EDA: variants seen among roughly 807,000 people sequenced by gnomAD.
EDA encodes ectodysplasin A.
In EDA, 2 loss-of-function variants were observed where a neutral mutation model predicts 23.6. That is an observed-to-expected ratio of 0.08 (90% CI 0.03 to 0.27). The LOEUF is 0.27. EDA is among the 10% of genes least tolerant of loss of function. The pLI is 1.00. For synonymous variants in EDA, 131 were observed against 132.0 expected (o/e 0.99, Z 0.05); for missense variants, 229 against 324.2 (o/e 0.71, Z 2.26).
At chrX:69,868,161 C>A (rs1602496895) in intron 1 of EDA, among the ~76,000 whole-genome samples, 1 of 112,205 alleles carries the variant, frequency 8.9e-6, no homozygotes, top group Non-Finnish European at 1.9e-5. Flanking sequence ...GCCACTGACA[C>A]TTCAAGCACC....
Position 69,815,137 on chromosome X carries a change from TCTGA to T in EDA, c.397-141885_397-141882del, listed in dbSNP as rs750835279. ...GCTAGCCAATGGCAATGGGCTGGAG[TCTGA>T]CTGAGACAAGTCCAAGTTCCTGGGG... On this transcript the variant is annotated intron_variant, in intron 1 of 7. Coordinates refer to ENST00000374552, the MANE Select transcript of EDA (RefSeq NM_001399.5). Among the ~76,000 whole-genome samples the T allele has an allele frequency of 5.3e-3, 591 of 111,528 alleles. 7 individuals carry two copies. The highest frequency in any genetic ancestry group is 0.019 in the African/African-American group (570 of 30,746).
intron 2 of EDA, among the ~76,000 whole-genome samples, chrX:70,001,923 C>A (rs1192415561): frequency 9.0e-6 from 1 of 111,541 alleles, no homozygotes; most frequent in African/African-American, 3.3e-5. Context: ...ACACATTAGA[C>A]TCCCCTGGGA....
chrX:69,720,918 G>A (rs781411291), intron 1 of EDA, among the ~76,000 whole-genome samples: 1 of 111,694 alleles, frequency 9.0e-6, no homozygotes, highest in Admixed American at 9.5e-5. Context: ...GGTATGATGG[G>A]TGATTTTTTT....
intron 1 of EDA, among the ~76,000 whole-genome samples, chrX:69,934,901 A>G (rs1016756817): frequency 5.4e-5 from 6 of 111,025 alleles, no homozygotes; most frequent in African/African-American, 2.0e-4. Flanking sequence ...TATTCATTCT[A>G]TCTAACTATA....
intron 2 of EDA, among the ~76,000 whole-genome samples, chrX:70,011,207 A>G (rs193281582): frequency 1.8e-5 from 2 of 111,710 alleles, no homozygotes; most frequent in East Asian, 5.6e-4. Flanking sequence ...CAACTAATCC[A>G]AGTCCATTTT....
At position 69,849,100 on chromosome X, in the gene EDA, C is replaced by T. The variant is rs1268289718; in HGVS notation, c.397-107927C>T. Among the ~76,000 whole-genome samples the T allele has an allele frequency of 6.3e-3, 319 of 50,841 alleles. 1 individual carries two copies. The highest frequency in any genetic ancestry group is 0.011 in the African/African-American group (250 of 22,198). The allele number at this position is 50,841 out of a possible 115,157, so 44.1% of individuals were successfully genotyped here. On this transcript the variant is annotated intron_variant, in intron 1 of 7. Coordinates refer to ENST00000374552, the MANE Select transcript of EDA (RefSeq NM_001399.5). The stretch of plus-strand genomic sequence containing the variant: ...GTCTATATACACACACACACACACA[C>T]ACACACACACACACACACACACACA...
rs780324718 is a variant in EDA, at chrX:69,932,382, A to G, written c.397-24645A>G. On this transcript the variant is annotated intron_variant, in intron 1 of 7. Coordinates refer to ENST00000374552, the MANE Select transcript of EDA (RefSeq NM_001399.5). The stretch of plus-strand genomic sequence containing the variant: ...CCGTAAAAATGATCTCTGTGGCTGA[A>G]AATGAAGCTGGTTATAACTTAATCT... Among the ~76,000 whole-genome samples, 4 of 112,132 alleles carry G rather than the reference A, an allele frequency of 3.6e-5. No homozygotes were observed. In the East Asian group the frequency reaches 8.4e-4, roughly 23 times the overall value.
intron 2 of EDA, among the ~76,000 whole-genome samples, chrX:70,001,536 C>T (rs1300054826): frequency 1.8e-5 from 2 of 111,527 alleles, no homozygotes; most frequent in Non-Finnish European, 3.8e-5. Context: ...GTTAATCTGC[C>T]GACAGTAAGA....
intron 1 of EDA, among the ~76,000 whole-genome samples, chrX:69,849,725 G>C (rs1489293107): frequency 1.8e-5 from 2 of 111,570 alleles, no homozygotes; most frequent in Non-Finnish European, 3.8e-5. Context: ...GTCATGCTTT[G>C]CAAGCTAGCC....
intron 1 of EDA, among the ~76,000 whole-genome samples, chrX:69,920,220 A>G (rs1357820112): frequency 9.0e-6 from 1 of 111,110 alleles, no homozygotes; most frequent in African/African-American, 3.3e-5. Context: ...TTTTTATATA[A>G]ACGTTTAATG....
At chrX:69,738,013 A>G (rs1034206445) in intron 1 of EDA, among the ~76,000 whole-genome samples, 2 of 111,471 alleles carry the variant, frequency 1.8e-5, no homozygotes, top group African/African-American at 6.5e-5. Flanking sequence ...CACTGGTTTA[A>G]AGGAATTAGG....
At chrX:69,903,849 T>G (rs1214177366) in intron 1 of EDA, among the ~76,000 whole-genome samples, 1 of 111,030 alleles carries the variant, frequency 9.0e-6, no homozygotes, top group East Asian at 2.8e-4. Context: ...GACGGACTGT[T>G]GCCCAGGCTG....
intron 1 of EDA, among the ~76,000 whole-genome samples, chrX:69,750,008 GTTTTCT>G (rs1327364387): frequency 1.0e-5 from 1 of 95,424 alleles, no homozygotes; most frequent in Non-Finnish European, 2.0e-5. Flanking sequence ...AAACAAGTTA[GTTTTCT>G]TTTTCTTTTT....
chrX:69,861,351 C>A (rs757760962), intron 1 of EDA, among the ~76,000 whole-genome samples: 27 of 111,760 alleles, frequency 2.4e-4, no homozygotes, highest in Admixed American at 2.2e-3. Context: ...CATGAATATA[C>A]TAACCTTAAA....
intron 1 of EDA, among the ~76,000 whole-genome samples, chrX:69,746,615 C>T (rs2013629433): frequency 9.0e-6 from 1 of 111,051 alleles, no homozygotes; most frequent in Non-Finnish European, 1.9e-5. Context: ...TAAAACCTGG[C>T]TTAAGGTGGA....
intron 1 of EDA, among the ~76,000 whole-genome samples, chrX:69,651,415 A>G (rs192017675): frequency 9.2e-6 from 1 of 108,188 alleles, no homozygotes; most frequent in Non-Finnish European, 1.9e-5. Flanking sequence ...GGTTCAAGGT[A>G]TATCTTGAAC....
chrX:69,741,776 A>T (rs1410537722), intron 1 of EDA, among the ~76,000 whole-genome samples: 2 of 111,797 alleles, frequency 1.8e-5, no homozygotes, highest in African/African-American at 3.2e-5. Context: ...TCTCTTACAT[A>T]TGTATCTAGC....
intron 2 of EDA, among the ~76,000 whole-genome samples, chrX:69,989,339 T>C (rs772539427): frequency 1.4e-4 from 16 of 111,945 alleles, no homozygotes; most frequent in South Asian, 3.7e-4. Flanking sequence ...TGCCCCACTT[T>C]GTTGCCAGGG....
intron 2 of EDA, among the ~76,000 whole-genome samples, chrX:69,972,785 T>C (rs2019265763): frequency 9.0e-6 from 1 of 111,722 alleles, no homozygotes. Flanking sequence ...AAATCTGAGT[T>C]CTGTATCCCC....
Sources: allele counts gnomAD v4.1 joint callset (sites outside exome capture counted in the v4.1 genomes callset), GRCh38; gene constraint gnomAD v4.1.1; transcripts MANE v1.5; gene names NCBI Gene and HGNC (gene_info 2026-07-23, HGNC 2026-07-21).